The following PAWR variants were observed in gnomAD, a reference collection of about 807,000 sequenced individuals.
The protein encoded by PAWR is PRKC apoptosis WT1 regulator protein.
In PAWR, 23 loss-of-function variants were observed where a neutral mutation model predicts 32.0. The ratio of observed to expected loss-of-function variants is 0.72; its 90% CI spans 0.52 to 1.02. The LOEUF (loss-of-function observed/expected upper bound fraction) is 1.02. Among genes scored for constraint, PAWR ranks in the 50% least tolerant of loss-of-function variants. The pLI is 0.00. For synonymous variants in PAWR, 226 were observed against 187.1 expected, an observed-to-expected ratio of 1.21 and a Z score of -1.70; for missense variants, 457 against 437.7, an observed-to-expected ratio of 1.04 and a Z score of -0.39.
intron 4 of PAWR, among the ~76,000 whole-genome samples, chr12:79,599,887 T>TTA (rs1873894223): frequency 1.3e-5 from 2 of 152,194 alleles, no homozygotes; most frequent in South Asian, 4.1e-4. Context: ...ACCCCAAAAA[T>TTA]ACTAGTGATC....
chr12:79,669,110 A>G (rs545692501), intron 2 of PAWR, among the ~76,000 whole-genome samples: 10 of 152,216 alleles, frequency 6.6e-5, no homozygotes, highest in Non-Finnish European at 1.3e-4. Flanking sequence ...GAATGACTTC[A>G]GTCTTGGTGA....
chr12:79,653,520 C>A (rs1445965454), intron 2 of PAWR, among the ~76,000 whole-genome samples: 1 of 152,134 alleles, frequency 6.6e-6, no homozygotes, highest in Non-Finnish European at 1.5e-5. Context: ...GCTCTTGTTG[C>A]CCAGGCTGGA....
intron 2 of PAWR, among the ~76,000 whole-genome samples, chr12:79,643,816 A>G (rs1876444795): frequency 6.6e-6 from 1 of 152,176 alleles, no homozygotes; most frequent in Admixed American, 6.6e-5. Context: ...CTGTCAGGGA[A>G]TATCAAAATT....
At position 79,627,254 on chromosome 12, in the gene PAWR, G is replaced by T. The variant is rs538834084; in HGVS notation, c.517-6047C>A. Among the ~76,000 whole-genome samples the T allele has an allele frequency of 4.8e-3, 735 of 152,198 alleles. 7 individuals carry two copies. Among genetic ancestry groups the T allele is most frequent in the African/African-American group, 0.017 (698 of 41,500 alleles). On this transcript the variant is annotated intron_variant, in intron 2 of 6. Coordinates refer to ENST00000328827, the MANE Select transcript of PAWR (RefSeq NM_002583.4). ...CTCCACATCCTCTCCAGCACCTGTT[G>T]TTTCCTGACTTTTTAATGATCGCCA...
At chr12:79,635,770 T>C (rs1386400581) in intron 2 of PAWR, 1 of 152,220 alleles carries the variant, frequency 6.6e-6, no homozygotes, top group Non-Finnish European at 1.5e-5. Flanking sequence ...AAGCCACTGC[T>C]ATGTTCTGAT....
chr12:79,646,802 T>C (rs751477815), intron 2 of PAWR, among the ~76,000 whole-genome samples: 2 of 152,200 alleles, frequency 1.3e-5, no homozygotes, highest in Non-Finnish European at 2.9e-5. Flanking sequence ...AAAATGTATA[T>C]AGCTAGTATA....
intron 2 of PAWR, among the ~76,000 whole-genome samples, chr12:79,673,151 G>A (rs1877992369): frequency 6.6e-6 from 1 of 152,096 alleles, no homozygotes; most frequent in African/African-American, 2.4e-5. Context: ...CTCACTGCAA[G>A]CTCCGCCTCC....
chr12:79,647,719 T>G (rs988071702), intron 2 of PAWR, among the ~76,000 whole-genome samples: 1 of 152,204 alleles, frequency 6.6e-6, no homozygotes, highest in Non-Finnish European at 1.5e-5. Flanking sequence ...GATAATTTAC[T>G]TCTAGCACCA....
At position 79,632,288 on chromosome 12, in the gene PAWR, AATATATACATATATATATACATACATAT is replaced by A. The variant is rs1566010763; in HGVS notation, c.517-11109_517-11082del. The A allele has an allele frequency of 4.1e-3, 366 of 88,834 alleles. 46 individuals carry two copies. Among genetic ancestry groups the A allele is most frequent in the African/African-American group, 0.027 (269 of 10,076 alleles). 5.5% of individuals were successfully genotyped at this position (88,834 alleles called of 1,614,324 possible). A position where few individuals can be genotyped will look rare whatever the true frequency, so the allele number is the denominator to read the frequency against. On this transcript the variant is annotated intron_variant, in intron 2 of 6. Transcript: ENST00000328827. ...GAATGCACTAGAGTCCAGAAATAGA[AATATATACATATATATATACATACATAT>A]ATATATATATATATATATATATATA...
intron 3 of PAWR, among the ~76,000 whole-genome samples, chr12:79,616,697 T>C (rs1874753963): frequency 6.6e-6 from 1 of 152,110 alleles, no homozygotes; most frequent in East Asian, 1.9e-4. Flanking sequence ...ATCAGATTTC[T>C]ACATTTCTCT....
chr12:79,619,581 G>A (rs1874904012), intron 3 of PAWR, among the ~76,000 whole-genome samples: 1 of 152,146 alleles, frequency 6.6e-6, no homozygotes, highest in African/African-American at 2.4e-5. Context: ...TCCATTGGAG[G>A]TCTTGGAACA....
chr12:79,658,187 A>G (rs993015238), intron 2 of PAWR, among the ~76,000 whole-genome samples: 3 of 152,214 alleles, frequency 2.0e-5, no homozygotes, highest in African/African-American at 7.2e-5. Context: ...CTAGATGCCA[A>G]CAGATCTTTG....
chr12:79,664,663 G>T (rs548531374), intron 2 of PAWR, among the ~76,000 whole-genome samples: 1 of 149,084 alleles, frequency 6.7e-6, no homozygotes, highest in Non-Finnish European at 1.5e-5. Flanking sequence ...TTTGGCGGGG[G>T]GGGGAGGAGA....
rs576444696 is a variant in PAWR at position 79,657,197 on chromosome 12, T to C, written c.516+32532A>G. Among the ~76,000 whole-genome samples the C allele has an allele frequency of 2.6e-5, 4 of 152,294 alleles. No individual in the cohort carries two copies. In the East Asian group the frequency reaches 5.8e-4, roughly 22 times the overall value. ...AGTCCATAATGTATGCTTCCATTTA[T>C]ATAAAATTCTAGAAAATTCAAAGTA... On this transcript the variant is annotated intron_variant, in intron 2 of 6. Transcript: ENST00000328827.
intron 3 of PAWR, among the ~76,000 whole-genome samples, chr12:79,616,182 T>C (rs1874723660): frequency 6.6e-6 from 1 of 152,108 alleles, no homozygotes; most frequent in South Asian, 2.1e-4. Context: ...AACTAAGGCG[T>C]ATGATGTCTG....
intron 2 of PAWR, among the ~76,000 whole-genome samples, chr12:79,624,639 T>A (rs1875190590): frequency 6.6e-6 from 1 of 152,192 alleles, no homozygotes; most frequent in African/African-American, 2.4e-5. Flanking sequence ...ATAACAAGCA[T>A]CCTAGAAATT....
chr12:79,674,345 C>T (rs1238812156), intron 2 of PAWR, among the ~76,000 whole-genome samples: 3 of 151,716 alleles, frequency 2.0e-5, no homozygotes, highest in Non-Finnish European at 4.4e-5. Flanking sequence ...AACTGGCTAG[C>T]CATATGCAGA....
At chr12:79,617,674 A>G (rs909312526) in intron 3 of PAWR, among the ~76,000 whole-genome samples, 1 of 152,240 alleles carries the variant, frequency 6.6e-6, no homozygotes, top group African/African-American at 2.4e-5. Flanking sequence ...TTTTTATTTC[A>G]ATACATGTAT....
intron 5 of PAWR, among the ~76,000 whole-genome samples, chr12:79,595,146 A>G (rs963437753): frequency 6.6e-6 from 1 of 152,236 alleles, no homozygotes; most frequent in Non-Finnish European, 1.5e-5. Context: ...AGATGGCCCA[A>G]TAGAAACTCT....
Sources: gnomAD v4.1 joint callset for allele counts (sites outside exome capture counted in the v4.1 genomes callset) on GRCh38, gnomAD v4.1.1 for gene constraint, MANE v1.5 for transcripts, NCBI Gene and HGNC (gene_info 2026-07-23, HGNC 2026-07-21) for gene names.